Variants in TTC6 observed in about 807,000 individuals in gnomAD.
The protein encoded by TTC6 is tetratricopeptide repeat protein 6.
A neutral mutation model predicts 210.4 loss-of-function variants in TTC6; 172 were observed. The ratio of observed to expected loss-of-function variants is 0.82; its 90% confidence interval spans 0.72 to 0.93. The LOEUF is 0.93. Among genes scored for constraint, TTC6 ranks in the 40% least tolerant of loss-of-function variants. The pLI is 0.00. For synonymous variants in TTC6, 804 were observed against 819.6 expected (o/e 0.98, Z 0.32); for missense variants, 2,414 against 2,318.1 (o/e 1.04, Z -0.85).
At chr14:37,612,394 T>G (rs1204079703) in intron 2 of TTC6, among the ~76,000 whole-genome samples, 1 of 152,264 alleles carries the variant, frequency 6.6e-6, no homozygotes, top group African/African-American at 2.4e-5. Context: ...CCTTGATTAC[T>G]GTAGCTTACT....
chr14:37,795,892 C>T (rs1426065811), intron 18 of TTC6, among the ~76,000 whole-genome samples: 1 of 152,012 alleles, frequency 6.6e-6, no homozygotes, highest in African/African-American at 2.4e-5. Flanking sequence ...ATTTATAGAC[C>T]TGGGAAATGG....
intron 1 of TTC6, among the ~76,000 whole-genome samples, chr14:37,627,871 C>T (rs1297990458): frequency 5.3e-5 from 8 of 152,230 alleles, no homozygotes; most frequent in Non-Finnish European, 1.0e-4. Context: ...AATTGCCACA[C>T]TGTCTTCCAC....
intron 6 of TTC6, among the ~76,000 whole-genome samples, chr14:37,724,501 A>G (rs1022442391): frequency 6.6e-6 from 1 of 152,100 alleles, no homozygotes; most frequent in Non-Finnish European, 1.5e-5. Context: ...TTACTCTATT[A>G]ATGGACATTT....
intron 12 of TTC6, among the ~76,000 whole-genome samples, chr14:37,750,536 A>G (rs2095948569): frequency 6.6e-6 from 1 of 152,352 alleles, no homozygotes; most frequent in South Asian, 2.1e-4. Context: ...ACCTTTAACC[A>G]TAAATGAGCA....
chr14:37,619,269 G>C (rs543655716), upstream of TTC6, among the ~76,000 whole-genome samples: 1 of 152,268 alleles, frequency 6.6e-6, no homozygotes, highest in South Asian at 2.1e-4. Context: ...AAAGCCTATT[G>C]ATTCCCAGAT....
At chr14:37,773,906 C>T (rs1168048705) in intron 14 of TTC6, among the ~76,000 whole-genome samples, 5 of 151,888 alleles carry the variant, frequency 3.3e-5, no homozygotes, top group South Asian at 2.1e-4. Flanking sequence ...ATGTTTTTTT[C>T]GTTTGTTTGT....
chr14:37,728,842 A>C (rs1334382880), intron 7 of TTC6, among the ~76,000 whole-genome samples: 1 of 152,208 alleles, frequency 6.6e-6, no homozygotes, highest in East Asian at 1.9e-4. Flanking sequence ...TACTTGTAGT[A>C]AAAATTCAAA....
At chr14:37,694,726 C>T (rs530806967) in intron 3 of TTC6, among the ~76,000 whole-genome samples, 10 of 152,092 alleles carry the variant, frequency 6.6e-5, no homozygotes, top group South Asian at 2.1e-4. Context: ...TACATACACA[C>T]GATGGAATAC....
chr14:37,604,538 G>A (rs1189496666), intron 1 of TTC6, among the ~76,000 whole-genome samples: 2 of 152,052 alleles, frequency 1.3e-5, no homozygotes, highest in African/African-American at 2.4e-5. Flanking sequence ...GTCGGAGCCC[G>A]CCTGAATTTA....
intron 5 of TTC6, among the ~76,000 whole-genome samples, chr14:37,713,430 G>T (rs1247930592): frequency 6.6e-6 from 1 of 152,154 alleles, no homozygotes. Context: ...TAGAGACGAG[G>T]TTTTGCTATG....
rs1477997743 is a variant in TTC6, at chr14:37,686,102, C to T, written c.1257+3138C>T. Among the ~76,000 whole-genome samples, 4 of 152,020 alleles carry T rather than the reference C, an allele frequency of 2.6e-5. No individual in the cohort carries two copies. The East Asian group carries it at 7.7e-4, about 29-fold the overall frequency. ...TTCAACATGAGTCTCGTGGGAAGAG[C>T]ACAGGCTCTGCAACTAGATGTCCAA... On this transcript the variant is annotated intron_variant, in intron 3 of 30. Coordinates refer to ENST00000553443, the Ensembl canonical transcript of TTC6.
intron 1 of TTC6, among the ~76,000 whole-genome samples, chr14:37,655,861 T>G (rs2095721606): frequency 6.6e-6 from 1 of 151,262 alleles, no homozygotes; most frequent in Non-Finnish European, 1.5e-5. Context: ...TAACCATCTC[T>G]CTTGACTTCA....
At chr14:37,656,140 T>C (rs924954906) in intron 1 of TTC6, among the ~76,000 whole-genome samples, 2 of 152,158 alleles carry the variant, frequency 1.3e-5, no homozygotes, top group East Asian at 3.9e-4. Context: ...AACACTTTGA[T>C]TGGAGTGAAA....
At position 37,779,005 on chromosome 14, in the gene TTC6, C is replaced by G. The variant is rs142956228; in HGVS notation, c.3267-8463C>G. On this transcript the variant is annotated intron_variant, in intron 14 of 30. Transcript: ENST00000553443. ...TGCTCCAAACCCTCTGGGCTTTGCA[C>G]AAGCTGGAATTTTGCCCCACCACCT... is the stretch of plus-strand genomic sequence containing the variant. 5.1e-3 allele frequency among the ~76,000 whole-genome samples: 781 copies of G among 152,282 alleles called. 8 individuals carry two copies. The highest frequency in any genetic ancestry group is 0.018 in the African/African-American group (735 of 41,576).
At chr14:37,635,981 CA>C (rs71433909) in intron 1 of TTC6, among the ~76,000 whole-genome samples, 969 of 70,346 alleles carry the variant, frequency 0.014, 1 homozygote, top group African/African-American at 0.026. Flanking sequence ...ATTCCATTTC[CA>C]AAAAAAAAAA....
chr14:37,767,898 T>C (rs1377207488), intron 14 of TTC6, among the ~76,000 whole-genome samples: 1 of 145,354 alleles, frequency 6.9e-6, no homozygotes, highest in Middle Eastern at 3.6e-3. Flanking sequence ...TGAATGGTAA[T>C]GCCTAGGTTT....
intron 1 of TTC6, among the ~76,000 whole-genome samples, chr14:37,643,655 A>G (rs1222399896): frequency 6.6e-6 from 1 of 152,138 alleles, no homozygotes; most frequent in East Asian, 1.9e-4. Flanking sequence ...CTCACAGATA[A>G]TACAATATAT....
chr14:37,719,113 G>A (rs1227332596), intron 6 of TTC6, among the ~76,000 whole-genome samples: 2 of 152,066 alleles, frequency 1.3e-5, no homozygotes, highest in Admixed American at 1.3e-4. Context: ...ATTTATAATT[G>A]TTAAAAACTG....
At chr14:37,596,612 T>G (rs1424082437) in intron 1 of TTC6, among the ~76,000 whole-genome samples, 1 of 152,174 alleles carries the variant, frequency 6.6e-6, no homozygotes, top group African/African-American at 2.4e-5. Flanking sequence ...GTGTTTTGAG[T>G]GTGTGACCGT....
Sources: allele counts gnomAD v4.1 joint callset (sites outside exome capture counted in the v4.1 genomes callset), GRCh38; gene constraint gnomAD v4.1.1; transcripts MANE v1.5; gene names NCBI Gene and HGNC (gene_info 2026-07-23, HGNC 2026-07-21).